Variants in MAP3K5 observed in about 807,000 individuals in gnomAD.
MAP3K5 encodes the protein ASK-1.
A neutral mutation model predicts 158.7 loss-of-function variants in MAP3K5; 56 were observed. That is an observed-to-expected ratio of 0.35 (90% CI 0.28 to 0.44). The LOEUF (loss-of-function observed/expected upper bound fraction) is 0.44, where lower values mean the gene tolerates loss of function less well. MAP3K5 is among the 20% of genes least tolerant of loss of function. The probability of loss-of-function intolerance (pLI) is 1.00; values close to 1 mark genes in which losing one functional copy is unlikely to be tolerated. For synonymous variants in MAP3K5, 579 were observed against 601.7 expected, an observed-to-expected ratio of 0.96 and a Z score of 0.55; for missense variants, 1,294 against 1,674.8, an observed-to-expected ratio of 0.77 and a Z score of 3.97.
intron 14 of MAP3K5, among the ~76,000 whole-genome samples, chr6:136,629,524 A>G (rs1338531744): frequency 6.1e-5 from 9 of 146,760 alleles, no homozygotes; most frequent in Admixed American, 2.7e-4. Flanking sequence ...GCACAATCTC[A>G]GCTCGCTGCA....
rs779795211 is a variant in MAP3K5 at position 136,592,534 on chromosome 6, G to A, written c.2959C>T (p.Pro987Ser). Residue 987 changes from proline (P) to serine (S), a missense_variant, in exon 22 of 30, where the codon CCC (proline) becomes TCC (serine). Physicochemically the swap from Pro to Ser is moderately conservative, Grantham distance 74. Coordinates refer to ENST00000359015, the MANE Select transcript of MAP3K5 (RefSeq NM_005923.4). ...SSSSEYGSVS[P>S]DTELKVDPFS... ...GGGTCCACTTTCAACTCCGTGTCGG[G>A]TGAAACTGAGCCGTACTCACTGCTG... 8.7e-6 allele frequency: 14 copies of A among 1,608,798 alleles called. No homozygotes were observed. Among genetic ancestry groups the A allele is most frequent in the Non-Finnish European group, 1.2e-5 (14 of 1,175,330 alleles).
chr6:136,642,169 A>G (rs528879912), intron 12 of MAP3K5, among the ~76,000 whole-genome samples: 12 of 152,100 alleles, frequency 7.9e-5, no homozygotes, highest in Non-Finnish European at 1.6e-4. Context: ...TTCCTTGTAT[A>G]CCAAAAGGAC....
At position 136,656,346 on chromosome 6, in the gene MAP3K5, G is replaced by A. The variant is rs761807279; in HGVS notation, c.1641C>T (p.Val547=). The A allele has an allele frequency of 7.4e-6, 12 of 1,613,688 alleles. No homozygotes were observed. Among genetic ancestry groups the A allele is most frequent in the South Asian group, 1.1e-5 (1 of 91,022 alleles). Residue 547 remains valine, a synonymous_variant, in exon 10 of 30, where the codon GTC becomes GTT. Transcript: ENST00000359015. ...CAGTAACATCTGTCTTTGTGGCCTC[G>A]ACCAGGAAATCCATCCAAAAGTCCA... ...ELVDFWMDFL[V]EATKTDVTVV...
At chr6:136,585,900 A>G (rs73556218) in intron 23 of MAP3K5, among the ~76,000 whole-genome samples, 99 of 152,346 alleles carry the variant, frequency 6.5e-4, no homozygotes, top group African/African-American at 2.3e-3. Context: ...AAACTATTAT[A>G]TCATTTTTAT....
intron 11 of MAP3K5, among the ~76,000 whole-genome samples, chr6:136,648,716 G>A (rs577677475): frequency 6.6e-5 from 10 of 152,230 alleles, no homozygotes; most frequent in Middle Eastern, 3.4e-3. Flanking sequence ...CTATAGCACC[G>A]GGACTGGTGA....
chr6:136,558,160 C>T (rs1171912812), intron 29 of MAP3K5, among the ~76,000 whole-genome samples: 1 of 152,162 alleles, frequency 6.6e-6, no homozygotes, highest in Non-Finnish European at 1.5e-5. Flanking sequence ...AGGCAGATCA[C>T]GTGGTCAGGA....
chr6:136,659,440 T>C, intron 8 of MAP3K5, 62 bp from the exon 9 acceptor site: 1 of 1,479,266 alleles, frequency 6.8e-7, no homozygotes, highest in Middle Eastern at 2.3e-4. Flanking sequence ...AACCAGGTTT[T>C]CACTAAAAAG....
intron 25 of MAP3K5, 98 bp downstream of exon 25, chr6:136,580,203 G>A (rs1774807446): frequency 1.4e-5 from 11 of 805,054 alleles, no homozygotes; most frequent in Non-Finnish European, 2.3e-5. Context: ...GGGTATTATG[G>A]TTTTTAAAGT....
intron 1 of MAP3K5, among the ~76,000 whole-genome samples, chr6:136,738,229 C>T (rs1782556046): frequency 6.6e-6 from 1 of 152,124 alleles, no homozygotes; most frequent in Non-Finnish European, 1.5e-5. Context: ...TTCTACCATG[C>T]CCGACTAAAT....
At position 136,720,595 on chromosome 6, in the gene MAP3K5, A is replaced by G; in HGVS notation, c.449-6T>C. 1 of 1,602,888 alleles carries G rather than the reference A, an allele frequency of 6.2e-7. No homozygotes were observed. The highest frequency in any genetic ancestry group is 1.7e-4 in the Middle Eastern group (1 of 6,012). On this transcript the variant is annotated splice_polypyrimidine_tract_variant and splice_region_variant and intron_variant, in intron 1 of 29. Transcript: ENST00000359015. ...CATCTCCACCACCGCAATATCTGCA[A>G]ACAGAAAACAAAGTCCCCCAAAGAA...
At chr6:136,658,354 A>C (rs1281839240) in intron 9 of MAP3K5, among the ~76,000 whole-genome samples, 2 of 114,716 alleles carry the variant, frequency 1.7e-5, no homozygotes, top group East Asian at 4.9e-4. Context: ...TTGCCCTGTC[A>C]CCCAGGTTGA....
chr6:136,610,032 C>T (rs1421411992), intron 18 of MAP3K5, among the ~76,000 whole-genome samples: 2 of 152,086 alleles, frequency 1.3e-5, no homozygotes, highest in Non-Finnish European at 2.9e-5. Context: ...TCCTCATCTA[C>T]AAAATGGAGG....
chr6:136,708,990 T>C (rs1781192578), intron 2 of MAP3K5, among the ~76,000 whole-genome samples: 2 of 152,194 alleles, frequency 1.3e-5, no homozygotes, highest in South Asian at 2.1e-4. Context: ...ACCTGTCTTC[T>C]GTGAAGCTGG....
Position 136,755,301 on chromosome 6 carries a change from T to G in MAP3K5, c.449-34712A>C, listed in dbSNP as rs559117078. ...CCTCATGCACAACTCAGCTCTTCCCTGTTTCCGCCACCCCAAGAAATGCTC... is the reference window on the plus strand; with the variant it reads ...CCTCATGCACAACTCAGCTCTTCCCGGTTTCCGCCACCCCAAGAAATGCTC... On this transcript the variant is annotated intron_variant, in intron 1 of 29. Transcript: ENST00000359015. 3.9e-4 allele frequency among the ~76,000 whole-genome samples: 59 copies of G among 152,216 alleles called. 1 individual carries two copies. The South Asian group carries it at 0.012, about 30-fold the overall frequency.
chr6:136,568,130 A>T (rs1774202476), intron 25 of MAP3K5, among the ~76,000 whole-genome samples: 1 of 152,210 alleles, frequency 6.6e-6, no homozygotes, highest in Non-Finnish European at 1.5e-5. Context: ...TTCAAGAATG[A>T]TCAATACATA....
chr6:136,792,546 G>A (rs1434881991), upstream of MAP3K5: 1 of 24,456 alleles, frequency 4.1e-5, no homozygotes. This position sits in a 1 kb window ranked among gnomAD's most constrained non-coding sequence, Gnocchi z 5.7. Context: ...GCCACCCGCC[G>A]CGCCGCGCCG....
At chr6:136,616,047 G>A (rs1342121969) in intron 15 of MAP3K5, among the ~76,000 whole-genome samples, 2 of 152,080 alleles carry the variant, frequency 1.3e-5, no homozygotes, top group Non-Finnish European at 2.9e-5. Context: ...ATTTTAGATC[G>A]ATTATTCTTT....
chr6:136,571,151 A>G (rs979567292), intron 25 of MAP3K5, among the ~76,000 whole-genome samples: 9 of 152,182 alleles, frequency 5.9e-5, no homozygotes, highest in African/African-American at 2.2e-4. Context: ...CTAAGCCCAT[A>G]AAAACCCCAG....
rs530192608 is a variant in MAP3K5 at position 136,582,082 on chromosome 6, CA to C, written c.3411+1472del. The stretch of plus-strand genomic sequence containing the variant: ...TAGCCAACAGAGGGAGACTCCATCT[CA>C]AAAAAAAAAAAATTTACATTCTTAT... On this transcript the variant is annotated intron_variant, in intron 24 of 29. Coordinates refer to ENST00000359015, the MANE Select transcript of MAP3K5 (RefSeq NM_005923.4). Among the ~76,000 whole-genome samples the C allele has an allele frequency of 5.4e-3, 763 of 140,302 alleles. 6 individuals carry two copies. The highest frequency in any genetic ancestry group is 0.018 in the African/African-American group (688 of 38,350). 92.0% of individuals were successfully genotyped at this position (140,302 alleles called of 152,430 possible).
Sources: allele counts gnomAD v4.1 joint callset (sites outside exome capture counted in the v4.1 genomes callset), GRCh38; gene constraint gnomAD v4.1.1; non-coding constraint Gnocchi (gnomAD v3.1); transcripts MANE v1.5; gene names NCBI Gene and HGNC (gene_info 2026-07-23, HGNC 2026-07-21).